Variants in BACH2 observed in about 807,000 individuals in gnomAD.
The protein encoded by BACH2 is transcription regulator protein BACH2.
A neutral mutation model predicts 61.8 loss-of-function variants in BACH2; 5 were observed. The observed-to-expected ratio is 0.08, with a 90% confidence interval of 0.04 to 0.17. BACH2 has a LOEUF of 0.17. BACH2 is among the 10% of genes least tolerant of loss of function. BACH2 has a pLI of 1.00. For missense variants in BACH2, 824 were observed against 1,091.1 expected (o/e 0.76, Z 3.45); for synonymous variants, 446 against 440.1 (o/e 1.01, Z -0.17).
intron 5 of BACH2, among the ~76,000 whole-genome samples, chr6:90,078,464 G>A (rs1039696770): frequency 2.0e-5 from 3 of 152,086 alleles, no homozygotes; most frequent in Non-Finnish European, 4.4e-5. Context: ...AACCTAAGAA[G>A]AAGCAAACCA....
At position 90,059,506 on chromosome 6, in the gene BACH2, A is replaced by C. The variant is rs541178151; in HGVS notation, c.-13+29455T>G. ...GCTGGAGAGGATGTGGAGAAATAGG[A>C]ACACTTTTACACTGTTGGTAGGACT... On this transcript the variant is annotated intron_variant, in intron 5 of 8. Coordinates refer to ENST00000257749, the MANE Select transcript of BACH2 (RefSeq NM_021813.4). Among the ~76,000 whole-genome samples the C allele has an allele frequency of 3.5e-4, 54 of 152,328 alleles. 1 individual carries two copies. Among genetic ancestry groups the C allele is most frequent in the African/African-American group, 1.2e-3 (50 of 41,568 alleles).
chr6:90,090,437 C>A (rs151041379), intron 4 of BACH2, among the ~76,000 whole-genome samples: 12 of 152,122 alleles, frequency 7.9e-5, no homozygotes, highest in Non-Finnish European at 1.3e-4. Flanking sequence ...TATTTTTTTT[C>A]AGCAGCATGA....
At chr6:90,295,669 G>C (rs1772328796) in intron 1 of BACH2, among the ~76,000 whole-genome samples, 1 of 151,818 alleles carries the variant, frequency 6.6e-6, no homozygotes, top group African/African-American at 2.4e-5. Context: ...GTGTGTGTGT[G>C]TGTGTGTGTG....
In BACH2 at chr6:90,135,375, G is replaced by A. The variant is rs147982359; in HGVS notation, c.-161-46266C>T. On this transcript the variant is annotated intron_variant, in intron 4 of 8. Coordinates refer to ENST00000257749, the MANE Select transcript of BACH2 (RefSeq NM_021813.4). ...CCAGTAACCCTCGGCTACACTTCTCGCCTAAGTTTTACTGAATGCTTGACA... is the reference window on the plus strand; with the variant it reads ...CCAGTAACCCTCGGCTACACTTCTCACCTAAGTTTTACTGAATGCTTGACA... Among the ~76,000 whole-genome samples, 86 of 152,176 alleles carry A rather than the reference G, an allele frequency of 5.7e-4. 1 individual carries two copies. The highest frequency in any genetic ancestry group is 1.9e-3 in the South Asian group (9 of 4,824).
intron 4 of BACH2, among the ~76,000 whole-genome samples, chr6:90,099,324 A>G (rs1782517000): frequency 6.6e-6 from 1 of 152,222 alleles, no homozygotes; most frequent in South Asian, 2.1e-4. Flanking sequence ...AGCAATTTGA[A>G]CAAAGGCTCA....
chr6:90,156,537 G>A (rs1274967159), intron 4 of BACH2, among the ~76,000 whole-genome samples: 6 of 152,148 alleles, frequency 3.9e-5, no homozygotes, highest in Admixed American at 3.9e-4. Context: ...TACAAAAATG[G>A]GTGATTGTCT....
intron 1 of BACH2, among the ~76,000 whole-genome samples, chr6:90,278,717 AT>A (rs1309755520): frequency 6.6e-6 from 1 of 152,140 alleles, no homozygotes. Context: ...GCAGACTGGG[AT>A]TTCTTCAAGT....
chr6:90,069,552 T>A (rs183243758), intron 5 of BACH2, among the ~76,000 whole-genome samples: 1 of 152,278 alleles, frequency 6.6e-6, no homozygotes, highest in East Asian at 1.9e-4. Context: ...AGTTAATGAC[T>A]ACAAGCCCAA....
At chr6:89,941,438 G>C (rs1248077848) in intron 7 of BACH2, among the ~76,000 whole-genome samples, 1 of 152,154 alleles carries the variant, frequency 6.6e-6, no homozygotes, top group Non-Finnish European at 1.5e-5. Context: ...GTCCAAGAAA[G>C]CAAAATCGCA....
intron 4 of BACH2, among the ~76,000 whole-genome samples, chr6:90,205,348 G>T (rs1055493946): frequency 3.3e-5 from 5 of 152,192 alleles, no homozygotes; most frequent in African/African-American, 1.2e-4. Flanking sequence ...ATCCTTCAGT[G>T]GCTCATAGGA....
At chr6:90,022,562 C>T (rs1197824745) in intron 5 of BACH2, among the ~76,000 whole-genome samples, 2 of 152,108 alleles carry the variant, frequency 1.3e-5, no homozygotes, top group South Asian at 2.1e-4. Flanking sequence ...CCAGCCTGGG[C>T]GACAGAGCAA....
chr6:90,011,048 A>G lies in BACH2; in HGVS notation c.-12-2192T>C, dbSNP rs139081144. Among the ~76,000 whole-genome samples the G allele has an allele frequency of 4.1e-4, 63 of 152,318 alleles. No homozygotes were observed. The East Asian group carries it at 0.012, about 28-fold the overall frequency. The stretch of plus-strand genomic sequence containing the variant: ...CTGTAGCTTGTCTTTTGATTCTCTT[A>G]AAAGTGTCTTTCAAGGAACAGAAAG... On this transcript the variant is annotated intron_variant, in intron 5 of 8. Coordinates refer to ENST00000257749, the MANE Select transcript of BACH2 (RefSeq NM_021813.4).
chr6:90,028,821 C>G (rs977366368), intron 5 of BACH2, among the ~76,000 whole-genome samples: 1 of 152,222 alleles, frequency 6.6e-6, no homozygotes, highest in Non-Finnish European at 1.5e-5. Context: ...TCACTAGCTG[C>G]AAAACCTTGC....
chr6:90,096,840 A>T (rs531168400), intron 4 of BACH2, among the ~76,000 whole-genome samples: 1 of 152,172 alleles, frequency 6.6e-6, no homozygotes. Flanking sequence ...CGATGAGCTC[A>T]GCTTCTCTCC....
At chr6:90,016,934 C>T (rs1778098313) in intron 5 of BACH2, among the ~76,000 whole-genome samples, 2 of 151,982 alleles carry the variant, frequency 1.3e-5, no homozygotes, top group Admixed American at 1.3e-4. Context: ...TTCTTCTCCT[C>T]TGTTGCCTTT....
At chr6:89,992,265 T>C (rs1157508389) in intron 6 of BACH2, among the ~76,000 whole-genome samples, 3 of 152,212 alleles carry the variant, frequency 2.0e-5, no homozygotes, top group Admixed American at 6.5e-5. Flanking sequence ...TTTCCCTTCT[T>C]TGCACAAAAG....
chr6:90,135,071 T>G (rs960823871), intron 4 of BACH2, among the ~76,000 whole-genome samples: 7 of 152,204 alleles, frequency 4.6e-5, no homozygotes, highest in Admixed American at 1.3e-4. Flanking sequence ...GTGATGACCG[T>G]GCAACAGTAT....
intron 8 of BACH2, among the ~76,000 whole-genome samples, chr6:89,937,117 C>T (rs144708646): frequency 2.7e-3 from 412 of 152,012 alleles, no homozygotes; most frequent in African/African-American, 9.3e-3. Context: ...GCCTGGGAGA[C>T]GGGAGTTTGT....
intron 3 of BACH2, among the ~76,000 whole-genome samples, chr6:90,212,433 G>A (rs2127852234): frequency 6.6e-6 from 1 of 152,262 alleles, no homozygotes; most frequent in East Asian, 1.9e-4. Context: ...CATCCTCAAA[G>A]TTACAGCAGA....
Sources: gnomAD v4.1 joint callset for allele counts (sites outside exome capture counted in the v4.1 genomes callset) on GRCh38, gnomAD v4.1.1 for gene constraint, MANE v1.5 for transcripts, NCBI Gene and HGNC (gene_info 2026-07-23, HGNC 2026-07-21) for gene names.